Variants in NFIB observed in about 807,000 individuals in gnomAD.
NFIB encodes the protein nuclear factor I B.
In NFIB, 11 loss-of-function variants were observed where a neutral mutation model predicts 61.5. That is an observed-to-expected ratio of 0.18 (90% confidence interval 0.11 to 0.30). NFIB has a LOEUF of 0.30. Ranked by LOEUF, NFIB falls within the 10% of genes least tolerant of loss-of-function variation. The pLI, the probability that NFIB is intolerant of heterozygous loss-of-function variation, is 1.00. For missense variants in NFIB, 471 were observed against 608.9 expected (o/e 0.77, Z 2.38); for synonymous variants, 260 against 216.5 (o/e 1.20, Z -1.76).
chr9:14,173,240 G>A (rs2045771961), intron 3 of NFIB, among the ~76,000 whole-genome samples: 1 of 152,240 alleles, frequency 6.6e-6, no homozygotes, highest in East Asian at 1.9e-4. Context: ...GCGGTTGGCT[G>A]ACTTGCTCAT....
the NFIB span, among the ~76,000 whole-genome samples, chr9:14,459,752 A>C: frequency 6.6e-6 from 1 of 151,396 alleles, no homozygotes; most frequent in African/African-American, 2.5e-5. Context: ...ATGCAGCCAA[A>C]AGACACATGA....
chr9:14,097,864 CTTTCTTT>C (rs1218244660), intron 10 of NFIB, among the ~76,000 whole-genome samples: 43 of 107,760 alleles, frequency 4.0e-4, no homozygotes, highest in Admixed American at 1.3e-3. Context: ...TTTTTTCTTT[CTTTCTTT>C]TTTCTTTTTT....
chr9:14,321,179 A>T (rs1200191397), intron 1 of NFIB, among the ~76,000 whole-genome samples: 1 of 152,122 alleles, frequency 6.6e-6, no homozygotes, highest in Non-Finnish European at 1.5e-5. Flanking sequence ...GTGCATTAAA[A>T]TGTGTCTCAG....
At chr9:14,174,585 G>C (rs2045938202) in intron 3 of NFIB, among the ~76,000 whole-genome samples, 1 of 151,894 alleles carries the variant, frequency 6.6e-6, no homozygotes, top group African/African-American at 2.4e-5. Flanking sequence ...GGCCAACATG[G>C]TGAAACCCCA....
chr9:14,194,227 C>T (rs998067879), intron 2 of NFIB, among the ~76,000 whole-genome samples: 2 of 152,010 alleles, frequency 1.3e-5, no homozygotes, highest in African/African-American at 4.8e-5. Context: ...ATAAAGTGGC[C>T]ATGAAGTAAG....
intron 1 of NFIB, among the ~76,000 whole-genome samples, chr9:14,351,661 C>T (rs2132914360): frequency 6.6e-6 from 1 of 152,326 alleles, no homozygotes; most frequent in East Asian, 1.9e-4. Context: ...ATGACAACTT[C>T]TCCTAGAAAG....
intron 10 of NFIB, among the ~76,000 whole-genome samples, chr9:14,091,416 CTATA>C (rs2033887336): frequency 6.6e-6 from 1 of 151,926 alleles, no homozygotes; most frequent in Admixed American, 6.6e-5. Context: ...ACATCTAACT[CTATA>C]TAAAAATCAA....
At chr9:14,321,287 CTA>C (rs1443257712) in intron 1 of NFIB, among the ~76,000 whole-genome samples, 4 of 151,658 alleles carry the variant, frequency 2.6e-5, no homozygotes, top group African/African-American at 9.7e-5. Flanking sequence ...TGGGGGGAAA[CTA>C]TTAACAGGAG....
At chr9:14,189,157 C>G (rs2047673212) in intron 2 of NFIB, among the ~76,000 whole-genome samples, 1 of 152,162 alleles carries the variant, frequency 6.6e-6, no homozygotes, top group Admixed American at 6.5e-5. Context: ...CCCACACATA[C>G]AACACTCCTG....
chr9:14,405,472 A>G, the NFIB span, among the ~76,000 whole-genome samples: 3,131 of 152,340 alleles, frequency 0.021, 64 homozygotes, highest in African/African-American at 0.057. Flanking sequence ...TGGAGGCTGG[A>G]AAGATGAAGA....
intron 2 of NFIB, among the ~76,000 whole-genome samples, chr9:14,246,685 T>C (rs908398822): frequency 6.6e-6 from 1 of 152,152 alleles, no homozygotes; most frequent in Non-Finnish European, 1.5e-5. Flanking sequence ...TTAGGAAACA[T>C]CCTATGCCAA....
chr9:14,498,768 TCCCTCCCTCC>T, the NFIB span, among the ~76,000 whole-genome samples: 15 of 27,326 alleles, frequency 5.5e-4, no homozygotes, highest in African/African-American at 2.0e-3. Flanking sequence ...CTCATGGCCC[TCCCTCCCTCC>T]CTCCCTCCCT....
chr9:14,093,052 A>G (rs1174418049), intron 10 of NFIB, among the ~76,000 whole-genome samples: 1 of 152,010 alleles, frequency 6.6e-6, no homozygotes. Context: ...CTTACCTTTT[A>G]GCTCACTAAC....
chr9:14,530,603 A>G, the NFIB span, among the ~76,000 whole-genome samples: 1 of 152,302 alleles, frequency 6.6e-6, no homozygotes, highest in Non-Finnish European at 1.5e-5. Context: ...TTGAGCTTTC[A>G]CGAGACGCCT....
chr9:14,223,527 G>A (rs1200060512), intron 2 of NFIB, among the ~76,000 whole-genome samples: 1 of 151,986 alleles, frequency 6.6e-6, no homozygotes, highest in Non-Finnish European at 1.5e-5. Context: ...TAAAAATGTA[G>A]AAACCACTAA....
chr9:14,144,033 T>TGTGTGTGTGTGTGTG (rs55863803), intron 6 of NFIB, among the ~76,000 whole-genome samples: 74 of 150,026 alleles, frequency 4.9e-4, no homozygotes, highest in South Asian at 8.4e-4. Flanking sequence ...TGTGTGTGTG[T>TGTGTGTGTGTGTGTG]TTAAAATGCA....
At chr9:14,327,816 C>G (rs2060773605) in intron 1 of NFIB, among the ~76,000 whole-genome samples, 1 of 152,110 alleles carries the variant, frequency 6.6e-6, no homozygotes, top group Non-Finnish European at 1.5e-5. Context: ...TCCACTAAAA[C>G]AAAACAAACC....
At chr9:14,140,015 A>G (rs1023226658) in intron 6 of NFIB, among the ~76,000 whole-genome samples, 3 of 152,220 alleles carry the variant, frequency 2.0e-5, no homozygotes, top group Non-Finnish European at 4.4e-5. Context: ...GGGCTTGAAC[A>G]TCAAATTCAA....
the NFIB span, among the ~76,000 whole-genome samples, chr9:14,506,315 A>G: frequency 3.2e-4 from 49 of 152,156 alleles, no homozygotes; most frequent in African/African-American, 1.1e-3. Context: ...CCTGCCACCC[A>G]TGAGAGCACC....
Sources: allele counts gnomAD v4.1 joint callset (sites outside exome capture counted in the v4.1 genomes callset), GRCh38; gene constraint gnomAD v4.1.1; transcripts MANE v1.5; gene names NCBI Gene and HGNC (gene_info 2026-07-23, HGNC 2026-07-21).